The following AGO3 variants were observed in gnomAD, a reference collection of about 807,000 sequenced individuals.
The protein encoded by AGO3 is argonaute RISC catalytic component 3.
In AGO3, 16 loss-of-function variants were observed where a neutral mutation model predicts 105.5. The ratio of observed to expected loss-of-function variants is 0.15; its 90% CI spans 0.10 to 0.23. AGO3 has a LOEUF of 0.23. AGO3 is among the 10% of genes least tolerant of loss of function. The pLI, the probability that AGO3 is intolerant of heterozygous loss-of-function variation, is 1.00. For missense variants in AGO3, 534 were observed against 1,088.0 expected (o/e 0.49, Z 7.16); for synonymous variants, 340 against 367.3 (o/e 0.93, Z 0.85).
Position 35,972,100 on chromosome 1 carries a change from G to A in AGO3, c.389G>A (p.Arg130Gln). Residue 130 changes from arginine to glutamine, a missense_variant, in exon 4 of 19, where the codon CGG becomes CAG. Physicochemically the swap from Arg to Gln is conservative, Grantham distance 43 (BLOSUM62 1). Around this residue, in one of 2 missense-constraint regions of AGO3, gnomAD observed 161 missense variants for 234.0 expected, o/e 0.69. Transcript: ENST00000373191. ...AAGGTGTCAATCAAATTTGTCTCTC[G>A]GGTGAGTTGGCACCTACTGCATGAA... ...PFKVSIKFVS[R>Q]VSWHLLHEVL... 6.2e-7 allele frequency: 1 copy of A among 1,614,040 alleles called. No individual in the cohort carries two copies. The highest frequency in any genetic ancestry group is 8.5e-7 in the Non-Finnish European group (1 of 1,180,004).
intron 12 of AGO3, among the ~76,000 whole-genome samples, chr1:36,033,716 G>C (rs768316962): frequency 1.3e-5 from 2 of 151,902 alleles, no homozygotes; most frequent in Non-Finnish European, 2.9e-5. Context: ...GAAAGGAACA[G>C]GGGACTTTTG....
chr1:35,931,511 T>C, intron 1 of AGO3, 66 bp downstream of exon 1: 2 of 1,333,486 alleles, frequency 1.5e-6, no homozygotes, highest in Non-Finnish European at 1.9e-6. Flanking sequence ...GCATCCCTGC[T>C]CCTCCCGCCC....
At chr1:36,028,344 A>T (rs1250665731) in intron 12 of AGO3, among the ~76,000 whole-genome samples, 1 of 150,850 alleles carries the variant, frequency 6.6e-6, no homozygotes, top group Non-Finnish European at 1.5e-5. Flanking sequence ...TGCGCTGCAC[A>T]CACTAACTCG....
chr1:36,033,960 A>G (rs913218362), intron 12 of AGO3, among the ~76,000 whole-genome samples: 5 of 152,230 alleles, frequency 3.3e-5, no homozygotes, highest in African/African-American at 1.2e-4. Context: ...GAAGAAAACA[A>G]CTAGAAAAAT....
At chr1:36,046,522 T>C in intron 17 of AGO3, among the ~76,000 whole-genome samples, 1 of 146,548 alleles carries the variant, frequency 6.8e-6, no homozygotes, top group East Asian at 2.0e-4. Flanking sequence ...TGGAACCCTG[T>C]CTCTACTAAA....
At chr1:36,003,346 T>C (rs1640182292) in intron 5 of AGO3, among the ~76,000 whole-genome samples, 1 of 152,074 alleles carries the variant, frequency 6.6e-6, no homozygotes, top group African/African-American at 2.4e-5. Flanking sequence ...TCATAGTGGT[T>C]GACTGTTAAA....
chr1:36,071,353 G>C lies in AGO3; in HGVS notation c.*15608G>C, dbSNP rs1354169524. ...AAAATGTCCTGAAGATGGACAAATA[G>C]CCTTTTAAATTCTACTTTTTAACCA... is the stretch of plus-strand genomic sequence containing the variant. On this transcript the variant is annotated 3_prime_UTR_variant, in exon 19 of 19. Coordinates refer to ENST00000373191, the MANE Select transcript of AGO3 (RefSeq NM_024852.4). 1 of 152,166 alleles carries C rather than the reference G, an allele frequency of 6.6e-6. No homozygotes were observed. The highest frequency in any genetic ancestry group is 1.5e-5 in the Non-Finnish European group (1 of 68,026). 9.4% of individuals were successfully genotyped at this position (152,166 alleles called of 1,614,324 possible).
intron 5 of AGO3, 67 bp from the exon 6 acceptor site, chr1:36,004,274 C>T: frequency 6.7e-7 from 1 of 1,483,804 alleles, no homozygotes. Flanking sequence ...TATCCTGGAG[C>T]CTAAGATGAA....
At chr1:35,934,461 A>G (rs995599957) in intron 1 of AGO3, among the ~76,000 whole-genome samples, 2 of 152,188 alleles carry the variant, frequency 1.3e-5, no homozygotes, top group Admixed American at 6.5e-5. Context: ...TTATTTAATA[A>G]TAAAAGTTTT....
chr1:35,979,131 G>T (rs991057449), intron 5 of AGO3, among the ~76,000 whole-genome samples: 3 of 152,110 alleles, frequency 2.0e-5, no homozygotes, highest in African/African-American at 7.2e-5. Flanking sequence ...TTGGGAGGCC[G>T]AGGCGGGCGG....
intron 5 of AGO3, among the ~76,000 whole-genome samples, chr1:35,976,267 T>C (rs1646956030): frequency 6.6e-6 from 1 of 152,212 alleles, no homozygotes; most frequent in Non-Finnish European, 1.5e-5. Context: ...TTTTCTCCTT[T>C]TTGTTGCTAT....
chr1:35,973,693 C>A, intron 5 of AGO3, 182 bp downstream of exon 5: 1 of 598,902 alleles, frequency 1.7e-6, no homozygotes, highest in Non-Finnish European at 2.4e-6. Flanking sequence ...GTAGAATTTA[C>A]CTTGGAATGC....
rs1032451538 is a variant in AGO3 at position 36,008,388 on chromosome 1, C to T, written c.794-302C>T. On this transcript the variant is annotated intron_variant, in intron 6 of 18. Transcript: ENST00000373191. This position sits in a 1 kb window ranked among gnomAD's most constrained non-coding sequence, Gnocchi z 5.1. ...CATAAATACCTGAATTTATTATAAA[C>T]AGGATTTTTTATTAATGGAAGATTT... Among the ~76,000 whole-genome samples, 1 of 152,058 alleles carries T rather than the reference C, an allele frequency of 6.6e-6. No individual in the cohort carries two copies. Among genetic ancestry groups the T allele is most frequent in the Non-Finnish European group, 1.5e-5 (1 of 68,020 alleles).
At chr1:35,961,324 A>T (rs966688608) in intron 2 of AGO3, among the ~76,000 whole-genome samples, 24 of 152,090 alleles carry the variant, frequency 1.6e-4, no homozygotes, top group Non-Finnish European at 3.2e-4. Flanking sequence ...TCTTAAATTT[A>T]TATCTTCCCT....
chr1:35,976,786 T>G (rs965440891), intron 5 of AGO3, among the ~76,000 whole-genome samples: 7 of 152,312 alleles, frequency 4.6e-5, no homozygotes, highest in Middle Eastern at 3.4e-3. Flanking sequence ...GCTAATACTT[T>G]CCTTTTATAA....
At chr1:35,971,959 TAAATC>T (rs1209770154) in intron 3 of AGO3, 60 bp from the exon 4 acceptor site, 2 of 1,431,300 alleles carry the variant, frequency 1.4e-6, no homozygotes, top group Admixed American at 3.8e-5. Flanking sequence ...TTTTATAAGT[TAAATC>T]TAAAATAATT....
intron 5 of AGO3, among the ~76,000 whole-genome samples, chr1:35,989,845 G>T (rs1432361001): frequency 6.6e-6 from 1 of 151,952 alleles, no homozygotes. Flanking sequence ...CTATACTCCA[G>T]CCTGGGTGAC....
chr1:35,972,885 T>C (rs554975431), intron 4 of AGO3, among the ~76,000 whole-genome samples: 7 of 139,814 alleles, frequency 5.0e-5, no homozygotes, highest in Admixed American at 1.6e-4. Flanking sequence ...TTTGTAGAGA[T>C]GGAATCTCCC....
intron 5 of AGO3, among the ~76,000 whole-genome samples, chr1:35,987,966 G>A (rs1204494472): frequency 6.6e-6 from 1 of 151,896 alleles, no homozygotes; most frequent in Non-Finnish European, 1.5e-5. Context: ...TACTCAGGAG[G>A]CTAAGGCAGG....
Sources: gnomAD v4.1 joint callset for allele counts (sites outside exome capture counted in the v4.1 genomes callset) on GRCh38, gnomAD v4.1.1 for gene constraint, gnomAD v4.1.1 regional missense constraint, Gnocchi (gnomAD v3.1) non-coding constraint, MANE v1.5 for transcripts, NCBI Gene and HGNC (gene_info 2026-07-23, HGNC 2026-07-21) for gene names.